Variants in ALS2 observed in about 807,000 individuals in gnomAD.
The protein encoded by ALS2 is alsin Rho guanine nucleotide exchange factor ALS2.
In ALS2, 117 loss-of-function variants were observed where a neutral mutation model predicts 203.4. That is an observed-to-expected ratio of 0.58 (90% CI 0.50 to 0.67). The LOEUF is 0.67. Ranked by LOEUF, ALS2 falls within the 30% of genes least tolerant of loss-of-function variation. The probability of loss-of-function intolerance (pLI) is 0.00; values close to 1 mark genes in which losing one functional copy is unlikely to be tolerated. For synonymous variants in ALS2, 718 were observed against 725.9 expected (o/e 0.99, Z 0.17); for missense variants, 1,715 against 1,989.4 (o/e 0.86, Z 2.62).
At chr2:201,757,902 G>T in intron 4 of ALS2, 143 bp from the exon 5 acceptor site, 3 of 657,762 alleles carry the variant, frequency 4.6e-6, no homozygotes, top group East Asian at 2.7e-5. Context: ...TCAACTAAAG[G>T]TATTCTCTTC....
chr2:201,750,850 TC>T (rs962574843), intron 7 of ALS2, among the ~76,000 whole-genome samples: 13 of 151,302 alleles, frequency 8.6e-5, no homozygotes, highest in African/African-American at 2.2e-4. Context: ...TCTTTCCAAT[TC>T]CTTTTTTTTT....
chr2:201,747,576 G>A (rs944137674), intron 8 of ALS2, among the ~76,000 whole-genome samples: 3 of 148,708 alleles, frequency 2.0e-5, no homozygotes, highest in South Asian at 2.2e-4. Context: ...TCAGCCTCCC[G>A]AGTAGCTGGG....
intron 24 of ALS2, among the ~76,000 whole-genome samples, chr2:201,716,156 C>G (rs1016687979): frequency 6.6e-6 from 1 of 152,080 alleles, no homozygotes; most frequent in Non-Finnish European, 1.5e-5. Flanking sequence ...GTCTGTAATC[C>G]TAGCACTCTG....
At position 201,701,931 on chromosome 2, in the gene ALS2, G is replaced by T. The variant is rs980021938; in HGVS notation, c.4936-42C>A. The stretch of plus-strand genomic sequence containing the variant: ...AAATAATTTCAAATTCACTTTTAAA[G>T]AAATTACATAAAGAGAGCAATGCAT... On this transcript the variant is annotated intron_variant, in intron 33 of 33. Transcript: ENST00000264276. 4 of 1,595,496 alleles carry T rather than the reference G, an allele frequency of 2.5e-6. No individual in the cohort carries two copies. In the African/African-American group the frequency reaches 5.4e-5, roughly 21 times the overall value.
chr2:201,715,838 T>A lies in ALS2; in HGVS notation c.3838A>T (p.Arg1280Trp). The stretch of plus-strand genomic sequence containing the variant: ...GGCACTGCCAGGTTTCCTAGCTTCC[T>A]GCTAATAAAGTCATATCAACCTTTT... ...ESDKDRPKVF[R>W]KLGNLAVPAD... The change falls in exon 25 of 34, where the codon AGG (arginine) becomes TGG (tryptophan). Residue 1280 changes from arginine to tryptophan, a missense_variant and splice_region_variant. Physicochemically the swap from Arg to Trp is moderately radical, Grantham distance 101. Coordinates refer to ENST00000264276, the MANE Select transcript of ALS2 (RefSeq NM_020919.4). 6.2e-7 allele frequency: 1 copy of A among 1,614,222 alleles called. No individual in the cohort carries two copies. Among genetic ancestry groups the A allele is most frequent in the African/African-American group, 1.3e-5 (1 of 75,066 alleles).
intron 13 of ALS2, among the ~76,000 whole-genome samples, chr2:201,730,764 C>G (rs1691504572): frequency 6.6e-6 from 1 of 152,176 alleles, no homozygotes; most frequent in South Asian, 2.1e-4. Context: ...TGCATGTCAC[C>G]ACACATAACA....
chr2:201,761,635 G>A lies in ALS2; in HGVS notation c.359C>T (p.Ala120Val), dbSNP rs1693774994. The change falls in exon 4 of 34, where the codon GCT (alanine) becomes GTT (valine). Residue 120 changes from alanine to valine, a missense_variant. This residue lies in a region of ALS2 where 476 missense variants were observed against 539.3 expected (regional missense o/e 0.88). Coordinates refer to ENST00000264276, the MANE Select transcript of ALS2 (RefSeq NM_020919.4). ...CTGGTTGGCTACTGCACACTGGCCAGCAGAATTCTCTCCCCACATGTACGC... is the reference window on the plus strand; with the variant it reads ...CTGGTTGGCTACTGCACACTGGCCAACAGAATTCTCTCCCCACATGTACGC... The part of the protein sequence containing the change: ...GVAYMWGENS[A>V]GQCAVANQQY... The A allele has an allele frequency of 6.2e-7, 1 of 1,614,180 alleles. No individual in the cohort carries two copies. The highest frequency in any genetic ancestry group is 1.1e-5 in the South Asian group (1 of 91,082).
At chr2:201,759,948 T>A (rs530819561) in intron 4 of ALS2, 1 of 984,380 alleles carries the variant, frequency 1.0e-6, no homozygotes, top group South Asian at 4.7e-5. Flanking sequence ...AAGCGGGAAC[T>A]CAAACTTTAC....
chr2:201,732,541 C>T (rs1013224516), intron 13 of ALS2, among the ~76,000 whole-genome samples: 3 of 151,962 alleles, frequency 2.0e-5, no homozygotes, highest in Non-Finnish European at 2.9e-5. Context: ...GCACTCCAGC[C>T]CCAGTGACAG....
intron 19 of ALS2, among the ~76,000 whole-genome samples, 159 bp from the exon 20 acceptor site, chr2:201,725,613 T>TA (rs1220948846): frequency 2.0e-5 from 3 of 152,246 alleles, no homozygotes; most frequent in Non-Finnish European, 4.4e-5. Context: ...GGTGAATCTA[T>TA]AACCTAAGCT....
intron 23 of ALS2, chr2:201,719,914 A>G (rs1690661945): frequency 4.5e-6 from 1 of 222,424 alleles, no homozygotes; most frequent in African/African-American, 2.4e-5. Context: ...AACTGACTCA[A>G]TAAGAAATAG....
rs1694139362 is a variant in ALS2, at chr2:201,767,296, T to C, written c.108A>G (p.Pro36=). The change falls in exon 3 of 34, where the codon CCA becomes CCG. Residue 36 remains proline (P), a synonymous_variant. Transcript: ENST00000264276. ...GSFPITPERL[P]GWGGKTVLQA... ...GCAAAACAGTCTTTCCTCCCCAGCC[T>C]GGCAATCTCTCTGGTGTTATGGGAA... The C allele has an allele frequency of 1.9e-6, 3 of 1,613,986 alleles. No individual in the cohort carries two copies. Among genetic ancestry groups the C allele is most frequent in the Non-Finnish European group, 2.5e-6 (3 of 1,180,016 alleles).
intron 8 of ALS2, among the ~76,000 whole-genome samples, chr2:201,749,454 A>AT (rs1255044250): frequency 6.6e-6 from 1 of 152,110 alleles, no homozygotes; most frequent in Non-Finnish European, 1.5e-5. Flanking sequence ...GCACTTTTTC[A>AT]TTTTTTTACT....
chr2:201,756,541 A>G (rs1289061600), intron 5 of ALS2, among the ~76,000 whole-genome samples: 2 of 152,208 alleles, frequency 1.3e-5, no homozygotes, highest in Non-Finnish European at 2.9e-5. Context: ...CCATGGCCAA[A>G]CAGGGCCTAC....
intron 1 of ALS2, among the ~76,000 whole-genome samples, chr2:201,780,470 C>A (rs574468743): frequency 6.6e-6 from 1 of 152,342 alleles, no homozygotes; most frequent in Admixed American, 6.5e-5. Context: ...AGGCCACGGA[C>A]CCCAGTTTAT....
chr2:201,704,725 T>G, intron 31 of ALS2, 122 bp from the exon 32 acceptor site: 1 of 1,112,972 alleles, frequency 9.0e-7, no homozygotes, highest in Non-Finnish European at 1.3e-6. Context: ...ACTTAGGCAT[T>G]ATGAGTCGTT....
chr2:201,760,098 G>T, intron 4 of ALS2: 1 of 823,890 alleles, frequency 1.2e-6, no homozygotes, highest in Non-Finnish European at 1.5e-6. Context: ...TGAGGTGGGA[G>T]GATTGCTTGA....
chr2:201,706,648 TCAG>T (rs1376997249), intron 29 of ALS2, among the ~76,000 whole-genome samples, 195 bp downstream of exon 29: 5 of 150,152 alleles, frequency 3.3e-5, no homozygotes, highest in Non-Finnish European at 7.4e-5. Context: ...TTCCAAAGAA[TCAG>T]CAGGTTTCAT....
intron 25 of ALS2, among the ~76,000 whole-genome samples, chr2:201,714,529 G>A (rs1006214510): frequency 2.6e-5 from 4 of 152,186 alleles, no homozygotes; most frequent in Admixed American, 6.5e-5. Flanking sequence ...CTGGTTGTGC[G>A]TCCCTACCAT....
Sources: gnomAD v4.1 joint callset for allele counts (sites outside exome capture counted in the v4.1 genomes callset) on GRCh38, gnomAD v4.1.1 for gene constraint, gnomAD v4.1.1 regional missense constraint, MANE v1.5 for transcripts, NCBI Gene and HGNC (gene_info 2026-07-23, HGNC 2026-07-21) for gene names.